Variants in MPDZ observed in about 807,000 individuals in gnomAD.
MPDZ encodes the protein multiple PDZ domain crumbs cell polarity complex component.
MPDZ carries 234 observed loss-of-function variants against 239.1 expected under a neutral mutation model. The ratio of observed to expected loss-of-function variants is 0.98; its 90% CI spans 0.88 to 1.09. MPDZ has a LOEUF of 1.09. Among genes scored for constraint, MPDZ ranks in the 50% least tolerant of loss-of-function variants. MPDZ has a pLI of 0.00. For synonymous variants in MPDZ, 1,048 were observed against 881.3 expected (o/e 1.19, Z -3.35); for missense variants, 3,175 against 2,510.0 (o/e 1.26, Z -5.66).
At chr9:13,119,211 G>A (rs1943955870) in intron 39 of MPDZ, among the ~76,000 whole-genome samples, 1 of 152,180 alleles carries the variant, frequency 6.6e-6, no homozygotes, top group Non-Finnish European at 1.5e-5. Flanking sequence ...AGCCTTCTGA[G>A]TAGCTGGGAC....
At chr9:13,197,956 A>C (rs551308747) in intron 12 of MPDZ, among the ~76,000 whole-genome samples, 2 of 152,268 alleles carry the variant, frequency 1.3e-5, no homozygotes, top group South Asian at 4.1e-4. Flanking sequence ...ATGATATTCC[A>C]TTGTGTATAT....
intron 35 of MPDZ, among the ~76,000 whole-genome samples, 191 bp downstream of exon 35, chr9:13,125,025 T>C (rs181548476): frequency 2.0e-5 from 3 of 152,160 alleles, no homozygotes; most frequent in Admixed American, 6.5e-5. Flanking sequence ...AGCACATAGA[T>C]TGCCTGCCTA....
intron 1 of MPDZ, among the ~76,000 whole-genome samples, chr9:13,258,840 C>T (rs542218772): frequency 1.3e-5 from 2 of 152,150 alleles, no homozygotes; most frequent in East Asian, 1.9e-4. Context: ...ATTTTGCCCA[C>T]CAAAATGAAA....
At chr9:13,217,142 T>C (rs1958447925) in intron 9 of MPDZ, 38 bp downstream of exon 9, 6 of 1,256,608 alleles carry the variant, frequency 4.8e-6, no homozygotes, top group East Asian at 2.5e-5. Flanking sequence ...TCAGAGGTAA[T>C]TGTCAAGTTT....
chr9:13,145,839 T>A (rs1948358541), intron 26 of MPDZ, among the ~76,000 whole-genome samples: 1 of 151,968 alleles, frequency 6.6e-6, no homozygotes, highest in South Asian at 2.1e-4. Context: ...TTTGTAGTTT[T>A]AAGTTTTTAA....
At chr9:13,206,198 AG>A in intron 10 of MPDZ, 99 bp from the exon 11 acceptor site, 1 of 1,114,294 alleles carries the variant, frequency 9.0e-7, no homozygotes, top group Non-Finnish European at 1.2e-6. Context: ...TAGTGTGAAA[AG>A]AATGGAGAAT....
chr9:13,162,338 T>C (rs1950585767), intron 23 of MPDZ, among the ~76,000 whole-genome samples: 1 of 151,674 alleles, frequency 6.6e-6, no homozygotes, highest in Admixed American at 6.6e-5. Flanking sequence ...TCTGAAGAAG[T>C]TTGCTAATAT....
intron 12 of MPDZ, among the ~76,000 whole-genome samples, chr9:13,198,540 T>C (rs1955937070): frequency 6.6e-6 from 1 of 152,066 alleles, no homozygotes; most frequent in South Asian, 2.1e-4. Flanking sequence ...CTTTGGGTTG[T>C]CTATTTATAT....
chr9:13,149,533 A>C (rs568262014), intron 25 of MPDZ, among the ~76,000 whole-genome samples: 38 of 152,152 alleles, frequency 2.5e-4, no homozygotes, highest in Admixed American at 1.6e-3. Flanking sequence ...TTCTAAATAA[A>C]ATTATGCTTA....
chr9:13,182,106 A>C (rs958114185), intron 19 of MPDZ, among the ~76,000 whole-genome samples: 1 of 152,168 alleles, frequency 6.6e-6, no homozygotes, highest in African/African-American at 2.4e-5. Flanking sequence ...CCTGTTAATC[A>C]GGAAAGGAGG....
At chr9:13,243,254 T>C (rs1223716780) in intron 3 of MPDZ, among the ~76,000 whole-genome samples, 2 of 152,290 alleles carry the variant, frequency 1.3e-5, no homozygotes, top group Middle Eastern at 3.4e-3. Flanking sequence ...GCTTGATTAT[T>C]AAATGAATAT....
chr9:13,252,239 A>AC (rs1310514381), intron 1 of MPDZ, among the ~76,000 whole-genome samples: 1 of 152,046 alleles, frequency 6.6e-6, no homozygotes, highest in African/African-American at 2.4e-5. Flanking sequence ...CTATTAGCCA[A>AC]CCCCCCTCAA....
At chr9:13,144,639 C>T (rs1300894584) in intron 26 of MPDZ, among the ~76,000 whole-genome samples, 1 of 152,048 alleles carries the variant, frequency 6.6e-6, no homozygotes, top group Non-Finnish European at 1.5e-5. Context: ...TATGAGAGAA[C>T]ACTCTGGAAA....
At chr9:13,140,392 A>G (rs1172514023) in intron 27 of MPDZ, among the ~76,000 whole-genome samples, 4 of 142,714 alleles carry the variant, frequency 2.8e-5, no homozygotes, top group African/African-American at 1.1e-4. Context: ...TTATATATAT[A>G]CATATATATA....
chr9:13,156,568 G>C (rs900369812), intron 24 of MPDZ, among the ~76,000 whole-genome samples: 1 of 152,068 alleles, frequency 6.6e-6, no homozygotes, highest in African/African-American at 2.4e-5. Flanking sequence ...GAACAGCATG[G>C]GAAAGACCTG....
At chr9:13,253,126 T>G (rs970020429) in intron 1 of MPDZ, among the ~76,000 whole-genome samples, 1 of 152,022 alleles carries the variant, frequency 6.6e-6, no homozygotes, top group Non-Finnish European at 1.5e-5. Flanking sequence ...GCGTAGGCAG[T>G]TCCTAATTGA....
chr9:13,248,374 A>G (rs1448554133), intron 2 of MPDZ, among the ~76,000 whole-genome samples: 1 of 152,280 alleles, frequency 6.6e-6, no homozygotes, highest in African/African-American at 2.4e-5. Context: ...TTCAAACCAA[A>G]TCAATTCAAA....
chr9:13,251,540 G>T (rs1336502176), intron 1 of MPDZ, among the ~76,000 whole-genome samples: 1 of 152,226 alleles, frequency 6.6e-6, no homozygotes, highest in African/African-American at 2.4e-5. Flanking sequence ...GAGGAAGACA[G>T]TCAGTCAGTC....
intron 1 of MPDZ, among the ~76,000 whole-genome samples, chr9:13,254,033 A>G (rs550382583): frequency 6.6e-6 from 1 of 152,330 alleles, no homozygotes; most frequent in African/African-American, 2.4e-5. Context: ...AGAGTCCACA[A>G]TTTAATTTCT....
Sources: allele counts gnomAD v4.1 joint callset (sites outside exome capture counted in the v4.1 genomes callset), GRCh38; gene constraint gnomAD v4.1.1; transcripts MANE v1.5; gene names NCBI Gene and HGNC (gene_info 2026-07-23, HGNC 2026-07-21).